Variants in RAB5A observed in about 807,000 individuals in gnomAD.
The protein encoded by RAB5A is ras-related protein Rab-5A.
RAB5A carries 8 observed loss-of-function variants against 25.7 expected under a neutral mutation model. That is an observed-to-expected ratio of 0.31 (90% CI 0.18 to 0.56). RAB5A has a LOEUF of 0.56. Among genes scored for constraint, RAB5A ranks in the 20% least tolerant of loss-of-function variants. The probability of loss-of-function intolerance (pLI) is 0.91; values close to 1 mark genes in which losing one functional copy is unlikely to be tolerated. For missense variants in RAB5A, 192 were observed against 259.7 expected, an observed-to-expected ratio of 0.74 and a Z score of 1.79; for synonymous variants, 98 against 89.8, an observed-to-expected ratio of 1.09 and a Z score of -0.52.
At chr3:19,953,411 C>CTTTTTT (rs11383693) in intron 2 of RAB5A, among the ~76,000 whole-genome samples, 1 of 134,548 alleles carries the variant, frequency 7.4e-6, no homozygotes, top group Non-Finnish European at 1.6e-5. Context: ...TCTGTTAATC[C>CTTTTTT]TTTTTTTTTT....
intron 5 of RAB5A, among the ~76,000 whole-genome samples, chr3:19,981,980 C>T (rs1257158295): frequency 6.6e-6 from 1 of 152,062 alleles, no homozygotes; most frequent in Admixed American, 6.6e-5. Flanking sequence ...AGGTGGCTCA[C>T]TCCTATAATC....
At chr3:19,963,119 T>G (rs1696611926) in intron 2 of RAB5A, among the ~76,000 whole-genome samples, 2 of 152,182 alleles carry the variant, frequency 1.3e-5, no homozygotes, top group Admixed American at 6.5e-5. Flanking sequence ...TGTGTTTAGT[T>G]TTTCTGTGAA....
intron 5 of RAB5A, among the ~76,000 whole-genome samples, chr3:19,979,297 T>C (rs904899145): frequency 1.3e-5 from 2 of 150,434 alleles, no homozygotes; most frequent in Non-Finnish European, 3.0e-5. Context: ...TTTTTTTTTT[T>C]TTTTGAAATG....
intron 2 of RAB5A, among the ~76,000 whole-genome samples, chr3:19,966,815 G>GT (rs148808199): frequency 1.0e-3 from 152 of 151,970 alleles, no homozygotes; most frequent in African/African-American, 2.9e-3. Flanking sequence ...ATTTGTTTCG[G>GT]TTTTTTTGAA....
At chr3:19,955,764 G>A (rs531940083) in intron 2 of RAB5A, among the ~76,000 whole-genome samples, 11 of 152,044 alleles carry the variant, frequency 7.2e-5, no homozygotes, top group South Asian at 2.1e-4. Context: ...GGTGGCGTGC[G>A]CCTGTAGTCC....
At position 19,947,110 on chromosome 3, in the gene RAB5A, C is replaced by A. The variant is rs1390092818; in HGVS notation, c.-505C>A. The A allele has an allele frequency of 6.4e-6, 1 of 156,848 alleles. No individual in the cohort carries two copies. The highest frequency in any genetic ancestry group is 1.4e-5 in the Non-Finnish European group (1 of 71,184). 9.7% of individuals were successfully genotyped at this position (156,848 alleles called of 1,614,324 possible). A position where few individuals can be genotyped will look rare whatever the true frequency, so the allele number is the denominator to read the frequency against. ...ACGAAGTGGCGCAGTTCGCTGCGTG[C>A]AGCGACGTGGCGGCGGGGCCGGCAC... On this transcript the variant is annotated 5_prime_UTR_variant, in exon 1 of 6. Coordinates refer to ENST00000273047, the MANE Select transcript of RAB5A (RefSeq NM_004162.5).
chr3:19,978,983 CT>C (rs34631666), intron 5 of RAB5A: 25,423 of 146,086 alleles, frequency 0.17, 2,000 homozygotes, highest in South Asian at 0.21. Context: ...CTTTAAGGTA[CT>C]TTTTTTTTTT....
chr3:19,947,198 C>G lies in RAB5A; in HGVS notation c.-417C>G, dbSNP rs1011945917. On this transcript the variant is annotated 5_prime_UTR_variant, in exon 1 of 6. Coordinates refer to ENST00000273047, the MANE Select transcript of RAB5A (RefSeq NM_004162.5). ...GTTTGTGTTTTGGTTCGTGAAGGAG[C>G]CGGCGGCTGGCCTTAGGGGAGGAGG... The G allele has an allele frequency of 3.1e-5, 5 of 160,530 alleles. No individual in the cohort carries two copies. Among genetic ancestry groups the G allele is most frequent in the African/African-American group, 1.2e-4 (5 of 41,400 alleles). The allele number at this position is 160,530 out of a possible 1,614,324, so 9.9% of individuals were successfully genotyped here. A position where few individuals can be genotyped will look rare whatever the true frequency, so the allele number is the denominator to read the frequency against.
At position 19,951,889 on chromosome 3, in the gene RAB5A, A is replaced by G. The variant is rs188226855; in HGVS notation, c.163+828A>G. 2.2e-3 allele frequency among the ~76,000 whole-genome samples: 330 copies of G among 152,002 alleles called. 6 individuals are homozygous for G. The highest frequency in any genetic ancestry group is 0.02 in the Admixed American group (312 of 15,252). ...GAGAAAAAGTGATTAATGGAAAGGG[A>G]CATAACAGGAAAATGGAACCTGAAG... On this transcript the variant is annotated intron_variant, in intron 2 of 5. Transcript: ENST00000273047.
At chr3:19,969,031 G>GTTTT (rs1162365486) in intron 2 of RAB5A, among the ~76,000 whole-genome samples, 21 of 99,734 alleles carry the variant, frequency 2.1e-4, no homozygotes, top group Middle Eastern at 5.0e-3. Context: ...TTTGGTTTTG[G>GTTTT]TTTTTTTTTT....
At chr3:19,980,996 A>G (rs931485974) in intron 5 of RAB5A, among the ~76,000 whole-genome samples, 4 of 152,180 alleles carry the variant, frequency 2.6e-5, no homozygotes, top group African/African-American at 9.6e-5. Context: ...GAGTGTATTC[A>G]ATTTCTGAGT....
chr3:19,965,805 G>A (rs1696653360), intron 2 of RAB5A, among the ~76,000 whole-genome samples: 1 of 151,966 alleles, frequency 6.6e-6, no homozygotes, highest in African/African-American at 2.4e-5. Context: ...TGCCACCCAG[G>A]CTCAGGTGAT....
At chr3:19,960,826 T>C (rs372984662) in intron 2 of RAB5A, among the ~76,000 whole-genome samples, 14 of 152,322 alleles carry the variant, frequency 9.2e-5, no homozygotes, top group East Asian at 3.9e-4. Context: ...CGGTTAGTTA[T>C]TCATGGTTTT....
chr3:19,974,736 A>C (rs1190497500), intron 2 of RAB5A, among the ~76,000 whole-genome samples: 1 of 152,016 alleles, frequency 6.6e-6, no homozygotes, highest in Non-Finnish European at 1.5e-5. Flanking sequence ...AAGAAAAAAA[A>C]AGATAATATA....
intron 5 of RAB5A, among the ~76,000 whole-genome samples, chr3:19,982,016 G>A (rs941026475): frequency 1.3e-5 from 2 of 151,790 alleles, no homozygotes; most frequent in Non-Finnish European, 2.9e-5. Flanking sequence ...GCCACGGTGG[G>A]ATGATCTTCA....
Position 19,984,222 on chromosome 3 carries a change from GT to G in RAB5A, c.*402del. The G allele has an allele frequency of 2.4e-6, 1 of 420,848 alleles. No individual in the cohort carries two copies. Among genetic ancestry groups the G allele is most frequent in the South Asian group, 1.7e-5 (1 of 58,248 alleles). 26.1% of individuals were successfully genotyped at this position (420,848 alleles called of 1,614,324 possible). A position where few individuals can be genotyped will look rare whatever the true frequency, so the allele number is the denominator to read the frequency against. ...TTTGGGCTTTTCAAAAACATTCTTT[GT>G]TTAGAAGGAGATTCTAAAGTTATTT... On this transcript the variant is annotated 3_prime_UTR_variant, in exon 6 of 6. Transcript: ENST00000273047.
In RAB5A at chr3:19,950,970, A is replaced by G. The variant is rs771004325; in HGVS notation, c.72A>G (p.Val24=). 1.2e-6 allele frequency: 2 copies of G among 1,613,948 alleles called. No homozygotes were observed. The highest frequency in any genetic ancestry group is 1.7e-5 in the Admixed American group (1 of 60,002). The change falls in exon 2 of 6, where the codon GTA becomes GTG. Residue 24 remains valine (V), a synonymous_variant. Coordinates refer to ENST00000273047, the MANE Select transcript of RAB5A (RefSeq NM_004162.5). The stretch of plus-strand genomic sequence containing the variant: ...ATAAAATATGCCAGTTCAAACTAGT[A>G]CTTCTGGGAGAGTCCGCTGTTGGCA... ...TGNKICQFKL[V]LLGESAVGKS... is the part of the protein sequence containing the mutation.
chr3:19,981,789 G>A lies in RAB5A; in HGVS notation c.533-1919G>A, dbSNP rs142095095. 1.7e-3 allele frequency among the ~76,000 whole-genome samples: 264 copies of A among 152,160 alleles called. 2 individuals are homozygous for A. The highest frequency in any genetic ancestry group is 5.9e-3 in the African/African-American group (243 of 41,508). ...TATAGAGCTTGGCAGAGGTAAAGCC[G>A]TAACTGCTGGTTGAGAGTGTTGTCT... is the stretch of plus-strand genomic sequence containing the variant. On this transcript the variant is annotated intron_variant, in intron 5 of 5. Coordinates refer to ENST00000273047, the MANE Select transcript of RAB5A (RefSeq NM_004162.5).
chr3:19,954,671 A>C (rs546095782), intron 2 of RAB5A, among the ~76,000 whole-genome samples: 2 of 152,232 alleles, frequency 1.3e-5, no homozygotes, highest in African/African-American at 4.8e-5. Flanking sequence ...TACGAAAATT[A>C]ACCGGGCATG....
Sources: gnomAD v4.1 joint callset for allele counts (sites outside exome capture counted in the v4.1 genomes callset) on GRCh38, gnomAD v4.1.1 for gene constraint, MANE v1.5 for transcripts, NCBI Gene and HGNC (gene_info 2026-07-23, HGNC 2026-07-21) for gene names.